Variants in CLCN6 observed in about 807,000 individuals in gnomAD.
The protein encoded by CLCN6 is Cl-/H+ antiporter 6, also known as H(+)/Cl(-) exchange transporter 6.
A neutral mutation model predicts 109.8 loss-of-function variants in CLCN6; 70 were observed. That is an observed-to-expected ratio of 0.64 (90% CI 0.53 to 0.78). CLCN6 has a LOEUF of 0.78. Among genes scored for constraint, CLCN6 ranks in the 30% least tolerant of loss-of-function variants. The probability of loss-of-function intolerance (pLI) is 0.00; values close to 1 mark genes in which losing one functional copy is unlikely to be tolerated. For missense variants in CLCN6, 984 were observed against 1,142.3 expected, an observed-to-expected ratio of 0.86 and a Z score of 2.00; for synonymous variants, 444 against 447.8, an observed-to-expected ratio of 0.99 and a Z score of 0.11.
chr1:11,835,922 T>C, intron 17 of CLCN6, 45 bp from the exon 18 acceptor site: 1 of 1,574,386 alleles, frequency 6.4e-7, no homozygotes, highest in Non-Finnish European at 8.6e-7. Flanking sequence ...CCCAGGGGCC[T>C]GCGGGCACTG....
Position 11,839,401 on chromosome 1 carries a change from A to C in CLCN6, c.2529+741A>C, listed in dbSNP as rs540678420. ...CTCAGCCTCCTGAGTAGCTGGGACC[A>C]CAGGCATGCGCCACTATGCCCAGCT... On this transcript the variant is annotated intron_variant, in intron 22 of 22. Coordinates refer to ENST00000346436, the MANE Select transcript of CLCN6 (RefSeq NM_001286.5). Among the ~76,000 whole-genome samples, 66 of 152,308 alleles carry C rather than the reference A, an allele frequency of 4.3e-4. 1 individual carries two copies. Among genetic ancestry groups the C allele is most frequent in the African/African-American group, 1.5e-3 (64 of 41,576 alleles).
chr1:11,823,667 T>C, intron 6 of CLCN6, 40 bp from the exon 7 acceptor site: 1 of 1,613,676 alleles, frequency 6.2e-7, no homozygotes, highest in South Asian at 1.1e-5. Flanking sequence ...AGAGAACCAA[T>C]GGATTTCGAG....
In CLCN6 at chr1:11,806,357, GC is replaced by G. The variant is rs780487177; in HGVS notation, c.87+10del. On this transcript the variant is annotated intron_variant, in intron 1 of 22. Transcript: ENST00000346436. ...CGCACCCCCGAGGAGCTGGTAAGAAGCCGGCGGAGTCGGCCTGGGGAGGGGG... is the reference window on the plus strand; with the variant it reads ...CGCACCCCCGAGGAGCTGGTAAGAAGCGGCGGAGTCGGCCTGGGGAGGGGG... 4 of 1,512,884 alleles carry G rather than the reference GC, an allele frequency of 2.6e-6. No individual in the cohort carries two copies. The Admixed American group carries it at 1.1e-4, about 40-fold the overall frequency. The allele number at this position is 1,512,884 out of a possible 1,614,324, so 93.7% of individuals were successfully genotyped here. A position where few individuals can be genotyped will look rare whatever the true frequency, so the allele number is the denominator to read the frequency against.
chr1:11,825,562 C>T (rs769381024), intron 8 of CLCN6, among the ~76,000 whole-genome samples: 2 of 152,156 alleles, frequency 1.3e-5, no homozygotes, highest in African/African-American at 2.4e-5. Context: ...CCTAGAAACA[C>T]GAGGGCAGGA....
Position 11,843,103 on chromosome 1 carries a change from CAT to C in CLCN6, c.*2881_*2882del, listed in dbSNP as rs780309144. On this transcript the variant is annotated 3_prime_UTR_variant, in exon 23 of 23. Coordinates refer to ENST00000346436, the MANE Select transcript of CLCN6 (RefSeq NM_001286.5). ...TTGGGAGTTCTCATTGTAACCCTAA[CAT>C]GTGAGAATAAAATGTCTTCTGTCTC... The C allele has an allele frequency of 2.6e-5, 4 of 152,236 alleles. No homozygotes were observed. Among genetic ancestry groups the C allele is most frequent in the South Asian group, 2.1e-4 (1 of 4,834 alleles). 9.4% of individuals were successfully genotyped at this position (152,236 alleles called of 1,614,324 possible). A position where few individuals can be genotyped will look rare whatever the true frequency, so the allele number is the denominator to read the frequency against.
chr1:11,835,875 T>G, intron 17 of CLCN6, 92 bp from the exon 18 acceptor site: 236 of 1,016,546 alleles, frequency 2.3e-4, no homozygotes, highest in Non-Finnish European at 3.0e-4. Flanking sequence ...ACCCCGCCCG[T>G]GGTCTGAGCA....
chr1:11,809,391 A>G (rs949315154), intron 2 of CLCN6, among the ~76,000 whole-genome samples: 3 of 152,006 alleles, frequency 2.0e-5, no homozygotes, highest in African/African-American at 7.3e-5. Context: ...CTTCTACTAA[A>G]TTGTACTTAC....
chr1:11,808,269 G>T (rs1032840332), intron 2 of CLCN6, among the ~76,000 whole-genome samples: 1 of 129,766 alleles, frequency 7.7e-6, no homozygotes, highest in African/African-American at 2.8e-5. Flanking sequence ...GTGTGTGTGT[G>T]TTTTAAAGTA....
chr1:11,812,999 C>T (rs1001213589), intron 2 of CLCN6, among the ~76,000 whole-genome samples: 6 of 152,092 alleles, frequency 3.9e-5, no homozygotes, highest in African/African-American at 1.4e-4. Flanking sequence ...GTTCACTGTC[C>T]CATACAATTT....
intron 18 of CLCN6, among the ~76,000 whole-genome samples, chr1:11,836,641 T>C (rs1644953306): frequency 2.0e-5 from 3 of 151,664 alleles, no homozygotes; most frequent in African/African-American, 7.2e-5. Flanking sequence ...CGATTCAGAA[T>C]CCAGGGAGAG....
At chr1:11,825,103 C>A (rs374521717) in intron 8 of CLCN6, among the ~76,000 whole-genome samples, 3 of 152,228 alleles carry the variant, frequency 2.0e-5, no homozygotes, top group South Asian at 2.1e-4. Context: ...GGTACTAGCT[C>A]GAGACCTCAA....
At position 11,840,162 on chromosome 1, in the gene CLCN6, G is replaced by C. The variant is rs1306420004; in HGVS notation, c.2549G>C (p.Arg850Pro). 15 of 1,613,862 alleles carry C rather than the reference G, an allele frequency of 9.3e-6. No homozygotes were observed. The highest frequency in any genetic ancestry group is 1.2e-5 in the Non-Finnish European group (14 of 1,180,014). The change falls in exon 23 of 23, where the codon CGG becomes CCG. Residue 850 changes from arginine to proline, a missense_variant. Physicochemically the swap from Arg to Pro is moderately radical, Grantham distance 103. Coordinates refer to ENST00000346436, the MANE Select transcript of CLCN6 (RefSeq NM_001286.5). The stretch of plus-strand genomic sequence containing the variant: ...CCCTAGATCGTGGGGATCATCACAC[G>C]GCACAACCTCACCTATGAATTTCTG... ...AVGEIVGIIT[R>P]HNLTYEFLQA...
rs1158940573 is a variant in CLCN6, at chr1:11,834,343, TC to T, written c.1635del (p.Ile545MetfsTer17). 1 of 1,614,054 alleles carries T rather than the reference TC, an allele frequency of 6.2e-7. No homozygotes were observed. Among genetic ancestry groups the T allele is most frequent in the Non-Finnish European group, 8.5e-7 (1 of 1,179,996 alleles). On this transcript the variant is annotated frameshift_variant, in exon 16 of 23. Transcript: ENST00000346436. LOFTEE classifies it high-confidence loss of function. This position sits in a 1 kb window ranked among gnomAD's most constrained non-coding sequence, Gnocchi z 4.5. ...RMTISLTVIL[I>X]ESTNEITYGL... ...ACCATCAGCCTCACGGTCATCCTGA[TC>T]GAGTCCACCAATGAGATCACCTACG... is the stretch of plus-strand genomic sequence containing the variant.
chr1:11,815,998 T>TTTAC (rs766469121), intron 3 of CLCN6, 87 bp downstream of exon 3: 5 of 975,414 alleles, frequency 5.1e-6, no homozygotes, highest in Middle Eastern at 2.1e-4. Flanking sequence ...AGTAAACATC[T>TTTAC]TTACACCTTG....
At chr1:11,807,392 TAC>T (rs1450283688) in intron 2 of CLCN6, among the ~76,000 whole-genome samples, 2 of 152,264 alleles carry the variant, frequency 1.3e-5, no homozygotes, top group African/African-American at 4.8e-5. Context: ...CTGGTGTTTT[TAC>T]ACGTTTATAA....
At chr1:11,818,358 G>A (rs113935884) in intron 4 of CLCN6, among the ~76,000 whole-genome samples, 5 of 152,196 alleles carry the variant, frequency 3.3e-5, no homozygotes, top group African/African-American at 1.2e-4. Context: ...ACTCATTGGC[G>A]CATTCAGATT....
At chr1:11,810,054 G>A (rs372793615) in intron 2 of CLCN6, among the ~76,000 whole-genome samples, 41 of 152,342 alleles carry the variant, frequency 2.7e-4, no homozygotes, top group African/African-American at 9.1e-4. Flanking sequence ...TAAGGATGTA[G>A]AAGGATATTT....
rs1384773618 is a variant in CLCN6, at chr1:11,841,250, G to T, written c.*1027G>T. On this transcript the variant is annotated 3_prime_UTR_variant, in exon 23 of 23. Transcript: ENST00000346436. ...GCAGATGGCCTATTTGAGGAAGAGG[G>T]TGTCTGCCCTTCACAAACACCTCTC... 1.3e-5 allele frequency: 2 copies of T among 152,668 alleles called. No homozygotes were observed. The highest frequency in any genetic ancestry group is 4.8e-5 in the African/African-American group (2 of 41,470). The allele number at this position is 152,668 out of a possible 1,614,324, so 9.5% of individuals were successfully genotyped here.
Position 11,828,704 on chromosome 1 carries a change from G to A in CLCN6, c.1121+80G>A, listed in dbSNP as rs896167944. The stretch of plus-strand genomic sequence containing the variant: ...TGGGCCGCGCCATCTCTCCCGAGGA[G>A]CGGACCCTGCCTCCACGGCTTTGAT... On this transcript the variant is annotated intron_variant, in intron 12 of 22. Transcript: ENST00000346436. 1.1e-5 allele frequency: 16 copies of A among 1,409,388 alleles called. No individual in the cohort carries two copies. In the African/African-American group the frequency reaches 1.3e-4, roughly 11 times the overall value. 87.3% of individuals were successfully genotyped at this position (1,409,388 alleles called of 1,614,324 possible).
Sources: gnomAD v4.1 joint callset for allele counts (sites outside exome capture counted in the v4.1 genomes callset) on GRCh38, gnomAD v4.1.1 for gene constraint, Gnocchi (gnomAD v3.1) non-coding constraint, MANE v1.5 for transcripts, NCBI Gene and HGNC (gene_info 2026-07-23, HGNC 2026-07-21) for gene names.